MFAP3L: variants seen among roughly 807,000 people sequenced by gnomAD.
The protein encoded by MFAP3L is microfibrillar-associated protein 3-like.
A neutral mutation model predicts 20.0 loss-of-function variants in MFAP3L; 5 were observed. That is an observed-to-expected ratio of 0.25 (90% CI 0.13 to 0.53). MFAP3L has a LOEUF of 0.53. Ranked by LOEUF, MFAP3L falls within the 20% of genes least tolerant of loss-of-function variation. MFAP3L has a pLI of 0.96. For synonymous variants in MFAP3L, 219 were observed against 213.0 expected, an observed-to-expected ratio of 1.03 and a Z score of -0.25; for missense variants, 409 against 527.5, an observed-to-expected ratio of 0.78 and a Z score of 2.20.
intron 1 of MFAP3L, among the ~76,000 whole-genome samples, chr4:170,016,212 C>T (rs1739691129): frequency 6.6e-6 from 1 of 152,036 alleles, no homozygotes; most frequent in African/African-American, 2.4e-5. Flanking sequence ...TACATTTTTC[C>T]AGCAGTTCGT....
In MFAP3L at chr4:170,014,328, C is replaced by G. The variant is rs1018166370; in HGVS notation, c.-133-8318G>C. Among the ~76,000 whole-genome samples, 7 of 152,208 alleles carry G rather than the reference C, an allele frequency of 4.6e-5. No individual in the cohort carries two copies. The South Asian group carries it at 1.2e-3, about 27-fold the overall frequency. On this transcript the variant is annotated intron_variant, in intron 1 of 2. Transcript: ENST00000361618. ...GCTTTCAATTGTTTTTATTTGATCT[C>G]AAGCCCATTTTCCAAGAAGTTCCTG...
In MFAP3L at chr4:170,013,303, T is replaced by C. The variant is rs553516426; in HGVS notation, c.-133-7293A>G. Among the ~76,000 whole-genome samples, 338 of 152,286 alleles carry C rather than the reference T, an allele frequency of 2.2e-3. 1 individual carries two copies. Among genetic ancestry groups the C allele is most frequent in the Non-Finnish European group, 3.9e-3 (265 of 68,020 alleles). On this transcript the variant is annotated intron_variant, in intron 1 of 2. Transcript: ENST00000361618. ...AAACATAAATGTTGGTTAAGCCTGA[T>C]CATCAGAAGGGAGATACTCAAGGGA... is the stretch of plus-strand genomic sequence containing the variant.
At position 169,991,494 on chromosome 4, in the gene MFAP3L, C is replaced by T; in HGVS notation, c.1114G>A (p.Glu372Lys). ...DVTSTELTSE[E>K]PTPVEVPDKV... is the part of the protein sequence containing the mutation. ...TCTGGTACCTCAACAGGTGTTGGCT[C>T]TTCAGATGTTAGCTCGGTGGACGTG... Residue 372 changes from glutamate (E) to lysine (K), a missense_variant, in exon 3 of 3, where the codon GAG becomes AAG. By Grantham distance (56) the Glu-to-Lys change is moderately conservative. Around this residue, in one of 3 missense-constraint regions of MFAP3L, gnomAD observed 169 missense variants for 178.2 expected, o/e 0.95. Coordinates refer to ENST00000361618, the MANE Select transcript of MFAP3L (RefSeq NM_021647.8). The surrounding 1 kb of genome is among the most constrained non-coding windows in gnomAD (Gnocchi z 4.9). The T allele has an allele frequency of 6.2e-7, 1 of 1,614,156 alleles. No homozygotes were observed.
In MFAP3L at chr4:170,021,831, T is replaced by C. The variant is rs76393353; in HGVS notation, c.-134+4403A>G. On this transcript the variant is annotated intron_variant, in intron 1 of 2. Transcript: ENST00000361618. The stretch of plus-strand genomic sequence containing the variant: ...ACCCAAAAGTTAGTTTATGTAGTAT[T>C]ATAGCTGTCAACTCCCACATCCCCC... Among the ~76,000 whole-genome samples the C allele has an allele frequency of 0.021, 3,142 of 152,292 alleles. 263 individuals carry two copies. The East Asian group carries it at 0.22, about 10-fold the overall frequency.
At chr4:170,009,123 G>T (rs553343733) in intron 1 of MFAP3L, among the ~76,000 whole-genome samples, 1 of 152,274 alleles carries the variant, frequency 6.6e-6, no homozygotes, top group East Asian at 1.9e-4. Context: ...GGTGGCTCAC[G>T]CCTGTAATCC....
chr4:170,010,577 C>T (rs994534828), intron 1 of MFAP3L, among the ~76,000 whole-genome samples: 2 of 152,180 alleles, frequency 1.3e-5, no homozygotes, highest in East Asian at 1.9e-4. Flanking sequence ...TACGATGATC[C>T]ACTTCCCCTT....
At position 170,007,707 on chromosome 4, in the gene MFAP3L, T is replaced by C. The variant is rs558239860; in HGVS notation, c.-133-1697A>G. 2.0e-5 allele frequency among the ~76,000 whole-genome samples: 3 copies of C among 152,288 alleles called. No individual in the cohort carries two copies. The South Asian group carries it at 6.2e-4, about 32-fold the overall frequency. ...TAAATGACTTTCAGCACTGGGTCCT[T>C]TGCAGGGGCTCAAGTCTGAGAATGC... On this transcript the variant is annotated intron_variant, in intron 1 of 2. Transcript: ENST00000361618.
chr4:169,998,803 G>A (rs1253846911), intron 2 of MFAP3L, among the ~76,000 whole-genome samples: 1 of 152,166 alleles, frequency 6.6e-6, no homozygotes, highest in African/African-American at 2.4e-5. Flanking sequence ...AATTAAATCT[G>A]CCAAAACGAG....
intron 2 of MFAP3L, among the ~76,000 whole-genome samples, chr4:169,993,047 G>A (rs927196668): frequency 6.6e-6 from 1 of 152,140 alleles, no homozygotes. Flanking sequence ...AGCTTGACAC[G>A]AAGGAGAACA....
chr4:170,019,042 C>A (rs1739871835), intron 1 of MFAP3L, among the ~76,000 whole-genome samples: 1 of 152,206 alleles, frequency 6.6e-6, no homozygotes, highest in Non-Finnish European at 1.5e-5. Flanking sequence ...GTGCTGGGAG[C>A]CAAACACTAA....
chr4:169,991,695 C>A lies in MFAP3L; in HGVS notation c.913G>T (p.Ala305Ser), dbSNP rs779194317. 6.2e-7 allele frequency: 1 copy of A among 1,614,154 alleles called. No individual in the cohort carries two copies. Among genetic ancestry groups the A allele is most frequent in the Admixed American group, 1.7e-5 (1 of 60,030 alleles). Residue 305 changes from alanine to serine, a missense_variant, in exon 3 of 3, where the codon GCC becomes TCC. By Grantham distance (99) the Ala-to-Ser change is moderately conservative. Coordinates refer to ENST00000361618, the MANE Select transcript of MFAP3L (RefSeq NM_021647.8). This position sits in a 1 kb window ranked among gnomAD's most constrained non-coding sequence, Gnocchi z 4.9. ...TGAGGTTGCTCGTGCAGCGATGAGG[C>A]GTCCGAGTCAGCGGCAGGGGAGTCG... ...RSDSPAADSDASSLHEQPQQI... is the reference protein window; with the variant it reads ...RSDSPAADSDSSSLHEQPQQI...
intron 2 of MFAP3L, among the ~76,000 whole-genome samples, chr4:170,002,505 C>G (rs1738707619): frequency 6.6e-6 from 1 of 151,902 alleles, no homozygotes; most frequent in African/African-American, 2.4e-5. Context: ...ATATTAGTAT[C>G]ATTTTTCTTT....
intron 1 of MFAP3L, among the ~76,000 whole-genome samples, chr4:170,013,996 G>A (rs150992686): frequency 7.7e-4 from 118 of 152,298 alleles, no homozygotes; most frequent in Middle Eastern, 3.4e-3. Context: ...TATGCTGCCA[G>A]GCCAATCCCT....
chr4:169,990,489 T>C lies in MFAP3L; in HGVS notation c.*889A>G, dbSNP rs1317150795. 6.6e-6 allele frequency: 1 copy of C among 152,618 alleles called. No homozygotes were observed. The highest frequency in any genetic ancestry group is 1.5e-5 in the Non-Finnish European group (1 of 68,044). The allele number at this position is 152,618 out of a possible 1,614,324, so 9.5% of individuals were successfully genotyped here. ...TTCCAGGTAAAGAATCAGTCTTTAT[T>C]TGGAGGATGATGTAACTTAAACAGT... is the stretch of plus-strand genomic sequence containing the variant. On this transcript the variant is annotated 3_prime_UTR_variant, in exon 3 of 3. Coordinates refer to ENST00000361618, the MANE Select transcript of MFAP3L (RefSeq NM_021647.8).
Position 169,990,562 on chromosome 4 carries a change from C to T in MFAP3L, c.*816G>A, listed in dbSNP as rs1737586384. ...ATATTTAACCTTTTACAATCTCCCT[C>T]TACATCTCAGCTGAGCTCACCAAAA... On this transcript the variant is annotated 3_prime_UTR_variant, in exon 3 of 3. Coordinates refer to ENST00000361618, the MANE Select transcript of MFAP3L (RefSeq NM_021647.8). 1 of 152,642 alleles carries T rather than the reference C, an allele frequency of 6.6e-6. No homozygotes were observed. The highest frequency in any genetic ancestry group is 2.4e-5 in the African/African-American group (1 of 41,454). The allele number at this position is 152,642 out of a possible 1,614,324, so 9.5% of individuals were successfully genotyped here. A position where few individuals can be genotyped will look rare whatever the true frequency, so the allele number is the denominator to read the frequency against.
chr4:170,025,275 C>T (rs1195605746), intron 1 of MFAP3L, among the ~76,000 whole-genome samples: 9 of 152,042 alleles, frequency 5.9e-5, no homozygotes, highest in African/African-American at 1.9e-4. Flanking sequence ...ATAGTAGCAA[C>T]TGAAAAAAAT....
At chr4:170,003,275 C>T (rs895957991) in intron 2 of MFAP3L, among the ~76,000 whole-genome samples, 1 of 152,182 alleles carries the variant, frequency 6.6e-6, no homozygotes, top group Non-Finnish European at 1.5e-5. Context: ...GTGCTGAATT[C>T]TGATGGAGCA....
chr4:170,009,382 C>CAAAAA (rs1443046929), intron 1 of MFAP3L, among the ~76,000 whole-genome samples: 1 of 60,876 alleles, frequency 1.6e-5, no homozygotes, highest in Non-Finnish European at 4.0e-5. Flanking sequence ...GACGCTGTCT[C>CAAAAA]AAAAAAAAAA....
intron 1 of MFAP3L, among the ~76,000 whole-genome samples, chr4:170,008,813 G>A (rs914281254): frequency 7.2e-5 from 11 of 152,142 alleles, no homozygotes; most frequent in African/African-American, 2.4e-4. Context: ...TCTGTTTTGA[G>A]TAAATTCCTT....
Sources: gnomAD v4.1 joint callset for allele counts (sites outside exome capture counted in the v4.1 genomes callset) on GRCh38, gnomAD v4.1.1 for gene constraint, gnomAD v4.1.1 regional missense constraint, Gnocchi (gnomAD v3.1) non-coding constraint, MANE v1.5 for transcripts, NCBI Gene and HGNC (gene_info 2026-07-23, HGNC 2026-07-21) for gene names.